SGCZ: variants seen among roughly 807,000 people sequenced by gnomAD.
SGCZ encodes sarcoglycan zeta.
In SGCZ, 40 loss-of-function variants were observed where a neutral mutation model predicts 41.3. The ratio of observed to expected loss-of-function variants is 0.97; its 90% CI spans 0.75 to 1.26. The LOEUF (loss-of-function observed/expected upper bound fraction) is 1.26. SGCZ is among the 50% of genes most tolerant of loss of function. SGCZ has a pLI of 0.00. For missense variants in SGCZ, 552 were observed against 369.8 expected, an observed-to-expected ratio of 1.49 and a Z score of -4.04; for synonymous variants, 206 against 137.5, an observed-to-expected ratio of 1.50 and a Z score of -3.49.
intron 1 of SGCZ, among the ~76,000 whole-genome samples, chr8:14,826,335 G>C (rs887703805): frequency 6.6e-6 from 1 of 151,996 alleles, no homozygotes; most frequent in Admixed American, 6.6e-5. Context: ...GTCTATCATG[G>C]TTGGACATTT....
At chr8:14,326,257 T>C (rs923020008) in intron 2 of SGCZ, among the ~76,000 whole-genome samples, 18 of 151,958 alleles carry the variant, frequency 1.2e-4, no homozygotes, top group African/African-American at 4.4e-4. Flanking sequence ...ATATCTTTTA[T>C]GTGTTCAGGG....
intron 4 of SGCZ, among the ~76,000 whole-genome samples, chr8:14,179,049 G>A (rs1332976249): frequency 1.3e-5 from 2 of 152,178 alleles, no homozygotes; most frequent in African/African-American, 4.8e-5. Flanking sequence ...GGAGATGGAT[G>A]CTTGTACACT....
chr8:14,465,365 T>C (rs944649987), intron 2 of SGCZ, among the ~76,000 whole-genome samples: 2 of 151,776 alleles, frequency 1.3e-5, no homozygotes, highest in Non-Finnish European at 3.0e-5. Context: ...TTGTCTGATA[T>C]TAGTTTAACT....
chr8:14,908,609 G>C (rs543802821), intron 1 of SGCZ, among the ~76,000 whole-genome samples: 21 of 151,962 alleles, frequency 1.4e-4, no homozygotes, highest in African/African-American at 5.1e-4. Context: ...AATTAGCCGG[G>C]CGTGGTGACA....
At chr8:14,217,918 A>C (rs1806057310) in intron 4 of SGCZ, among the ~76,000 whole-genome samples, 1 of 152,158 alleles carries the variant, frequency 6.6e-6, no homozygotes, top group South Asian at 2.1e-4. Flanking sequence ...GGTGTGAGCC[A>C]CCACGCCCGG....
intron 3 of SGCZ, among the ~76,000 whole-genome samples, chr8:14,249,359 C>T (rs1428214414): frequency 6.6e-6 from 1 of 152,112 alleles, no homozygotes; most frequent in Non-Finnish European, 1.5e-5. Context: ...AACTGGCTAA[C>T]TACAGATCCT....
chr8:14,502,263 C>T (rs1802177023), intron 2 of SGCZ, among the ~76,000 whole-genome samples: 1 of 151,996 alleles, frequency 6.6e-6, no homozygotes, highest in African/African-American at 2.4e-5. Context: ...TTTACTTACT[C>T]TCGAGACTAA....
chr8:14,191,611 C>A (rs1454466807), intron 4 of SGCZ, among the ~76,000 whole-genome samples: 1 of 152,092 alleles, frequency 6.6e-6, no homozygotes, highest in African/African-American at 2.4e-5. Context: ...TCAAACACAC[C>A]TGGCTGCAAG....
chr8:14,958,021 A>G (rs1002648362), intron 1 of SGCZ, among the ~76,000 whole-genome samples: 6 of 152,078 alleles, frequency 3.9e-5, no homozygotes, highest in African/African-American at 1.4e-4. Context: ...GCACACTAAA[A>G]AGTCACAAAA....
chr8:14,702,071 C>T (rs2117599813), intron 1 of SGCZ, among the ~76,000 whole-genome samples: 1 of 152,004 alleles, frequency 6.6e-6, no homozygotes, highest in East Asian at 1.9e-4. Flanking sequence ...AGGTTCTTGC[C>T]TTCCTCACTC....
At chr8:15,167,516 G>C (rs1161240921) in intron 1 of SGCZ, among the ~76,000 whole-genome samples, 1 of 152,160 alleles carries the variant, frequency 6.6e-6, no homozygotes, top group Admixed American at 6.5e-5. Flanking sequence ...GCTTTAAAAG[G>C]TCTTAGCTGA....
At chr8:14,608,192 T>G (rs970491182) in intron 1 of SGCZ, among the ~76,000 whole-genome samples, 1 of 150,618 alleles carries the variant, frequency 6.6e-6, no homozygotes, top group South Asian at 2.1e-4. Context: ...CTCCATAAGG[T>G]GGAATGAAAA....
In SGCZ at chr8:14,282,847, C is replaced by CTTT. The variant is rs1168778028; in HGVS notation, c.336+41253_336+41255dup. On this transcript the variant is annotated intron_variant, in intron 3 of 7. Coordinates refer to ENST00000382080, the MANE Select transcript of SGCZ (RefSeq NM_139167.4). ...CATTATAATCATTCTCTTTCAAATA[C>CTTT]TTTTTTTTTTTTTTTTTTTTGAGAC... Among the ~76,000 whole-genome samples the CTTT allele has an allele frequency of 4.2e-3, 376 of 89,892 alleles. 33 individuals carry two copies. Among genetic ancestry groups the CTTT allele is most frequent in the East Asian group, 0.016 (46 of 2,896 alleles). 59.0% of individuals were successfully genotyped at this position (89,892 alleles called of 152,430 possible).
At chr8:14,687,667 G>A (rs566021805) in intron 1 of SGCZ, among the ~76,000 whole-genome samples, 92 of 151,742 alleles carry the variant, frequency 6.1e-4, no homozygotes, top group African/African-American at 2.1e-3. Context: ...ATGTGCATGT[G>A]TCTTTATAGC....
At chr8:14,610,961 T>C (rs1359393258) in intron 1 of SGCZ, among the ~76,000 whole-genome samples, 1 of 152,190 alleles carries the variant, frequency 6.6e-6, no homozygotes, top group Non-Finnish European at 1.5e-5. Flanking sequence ...CTTTTAAAAA[T>C]TACATTTCCT....
intron 1 of SGCZ, among the ~76,000 whole-genome samples, chr8:14,760,889 G>A (rs997318444): frequency 2.0e-5 from 3 of 152,134 alleles, no homozygotes; most frequent in Non-Finnish European, 2.9e-5. Flanking sequence ...ATAGTAGTCT[G>A]AATCATCTCA....
intron 1 of SGCZ, among the ~76,000 whole-genome samples, chr8:14,964,503 C>T (rs563401407): frequency 2.6e-5 from 4 of 152,268 alleles, no homozygotes; most frequent in Admixed American, 2.6e-4. Context: ...GATTTGCATG[C>T]AGGAATTTCA....
chr8:15,000,952 T>A (rs1214166807), intron 1 of SGCZ, among the ~76,000 whole-genome samples: 1 of 152,134 alleles, frequency 6.6e-6, no homozygotes, highest in Non-Finnish European at 1.5e-5. Context: ...AGACAACAAA[T>A]CCCAGAGTGT....
intron 2 of SGCZ, among the ~76,000 whole-genome samples, chr8:14,414,545 C>T (rs1321794405): frequency 6.6e-6 from 1 of 151,880 alleles, no homozygotes; most frequent in Non-Finnish European, 1.5e-5. Context: ...AACTTATAAA[C>T]CTCTTCAAAA....
Sources: allele counts gnomAD v4.1 joint callset (sites outside exome capture counted in the v4.1 genomes callset), GRCh38; gene constraint gnomAD v4.1.1; transcripts MANE v1.5; gene names NCBI Gene and HGNC (gene_info 2026-07-23, HGNC 2026-07-21).